The following SORCS3 variants were observed in gnomAD, a reference collection of about 807,000 sequenced individuals.
SORCS3 encodes the protein VPS10 domain-containing receptor SorCS3.
SORCS3 carries 57 observed loss-of-function variants against 146.3 expected under a neutral mutation model. The ratio of observed to expected loss-of-function variants is 0.39; its 90% CI spans 0.31 to 0.49. The LOEUF is 0.49. SORCS3 is among the 20% of genes least tolerant of loss of function. SORCS3 has a pLI of 0.92. For synonymous variants in SORCS3, 653 were observed against 618.5 expected (o/e 1.06, Z -0.83); for missense variants, 1,341 against 1,575.5 (o/e 0.85, Z 2.52).
intron 6 of SORCS3, among the ~76,000 whole-genome samples, chr10:105,093,270 T>A (rs966599266): frequency 6.6e-6 from 1 of 152,096 alleles, no homozygotes; most frequent in Non-Finnish European, 1.5e-5. Context: ...AAAATTTAAC[T>A]CCAAATAGAT....
intron 1 of SORCS3, among the ~76,000 whole-genome samples, chr10:104,840,775 A>C (rs1405301293): frequency 1.3e-5 from 2 of 152,288 alleles, no homozygotes; most frequent in African/African-American, 4.8e-5. Flanking sequence ...TTTTAGAGGC[A>C]TGTGCCCTGA....
rs139969820 is a variant in SORCS3, at chr10:104,969,606, T to G, written c.796-7729T>G. On this transcript the variant is annotated intron_variant, in intron 3 of 26. Transcript: ENST00000369701. The stretch of plus-strand genomic sequence containing the variant: ...TTGAATAGAGACACTACCAGTGATA[T>G]CAAAGTATATCAAATAATTTCTGAT... 3.3e-3 allele frequency among the ~76,000 whole-genome samples: 503 copies of G among 152,240 alleles called. 5 individuals are homozygous for G. Among genetic ancestry groups the G allele is most frequent in the African/African-American group, 0.011 (450 of 41,536 alleles).
chr10:105,037,862 G>A (rs1009138309), intron 4 of SORCS3, among the ~76,000 whole-genome samples: 3 of 152,102 alleles, frequency 2.0e-5, no homozygotes, highest in Non-Finnish European at 4.4e-5. Context: ...CAGGCTTTCC[G>A]GGTACAGTCT....
At chr10:105,224,858 T>C (rs1037154859) in intron 20 of SORCS3, among the ~76,000 whole-genome samples, 1 of 152,188 alleles carries the variant, frequency 6.6e-6, no homozygotes, top group Non-Finnish European at 1.5e-5. Flanking sequence ...AAATTTTTCA[T>C]ATGCTTATTT....
chr10:105,253,373 A>AT (rs1219040724), intron 23 of SORCS3, among the ~76,000 whole-genome samples: 1 of 152,188 alleles, frequency 6.6e-6, no homozygotes, highest in Non-Finnish European at 1.5e-5. Flanking sequence ...TTCAAACATG[A>AT]TTTTTTGGAG....
chr10:104,785,875 G>C (rs2017429100), intron 1 of SORCS3, among the ~76,000 whole-genome samples: 2 of 152,226 alleles, frequency 1.3e-5, no homozygotes, highest in African/African-American at 4.8e-5. Flanking sequence ...TCTTCTTACA[G>C]AAAAATGCAT....
intron 6 of SORCS3, among the ~76,000 whole-genome samples, chr10:105,103,168 C>A (rs1053598219): frequency 1.3e-5 from 2 of 152,046 alleles, no homozygotes; most frequent in Admixed American, 6.6e-5. Flanking sequence ...GGAGCAGTTC[C>A]CCCTTAAAAT....
chr10:104,882,757 C>A (rs1225434246), intron 2 of SORCS3, among the ~76,000 whole-genome samples: 1 of 152,210 alleles, frequency 6.6e-6, no homozygotes, highest in African/African-American at 2.4e-5. Context: ...TTCCCATCTC[C>A]CCACCCAGTG....
At chr10:104,858,788 A>AT (rs1163558472) in intron 2 of SORCS3, among the ~76,000 whole-genome samples, 11 of 151,846 alleles carry the variant, frequency 7.2e-5, no homozygotes, top group Non-Finnish European at 1.0e-4. Context: ...CGCCTGGCTA[A>AT]TTTTTTGTGT....
intron 6 of SORCS3, among the ~76,000 whole-genome samples, chr10:105,102,324 T>C (rs2133750860): frequency 6.6e-6 from 1 of 152,296 alleles, no homozygotes. Flanking sequence ...GTAGTACATA[T>C]ACACCATGGA....
At chr10:104,765,158 C>A (rs2017164936) in intron 1 of SORCS3, among the ~76,000 whole-genome samples, 1 of 152,184 alleles carries the variant, frequency 6.6e-6, no homozygotes, top group African/African-American at 2.4e-5. Flanking sequence ...CCCCGTGGAA[C>A]CTAGTCTTTT....
In SORCS3 at chr10:104,664,497, C is replaced by T. The variant is rs561489222; in HGVS notation, c.627+22543C>T. On this transcript the variant is annotated intron_variant, in intron 1 of 26. Coordinates refer to ENST00000369701, the MANE Select transcript of SORCS3 (RefSeq NM_014978.3). ...AAAATCGAAGCTCAGGGAGGATAAA[C>T]TGTTTGCTCAGTGTCTCACAGCCAT... The T allele has an allele frequency of 2.0e-5, 3 of 152,304 alleles. No homozygotes were observed. In the South Asian group the frequency reaches 6.2e-4, roughly 32 times the overall value. 9.4% of individuals were successfully genotyped at this position (152,304 alleles called of 1,614,324 possible). A position where few individuals can be genotyped will look rare whatever the true frequency, so the allele number is the denominator to read the frequency against.
At chr10:104,772,368 G>A (rs994805220) in intron 1 of SORCS3, among the ~76,000 whole-genome samples, 1 of 152,234 alleles carries the variant, frequency 6.6e-6, no homozygotes, top group African/African-American at 2.4e-5. Flanking sequence ...TCACAGTTTT[G>A]GCATTGATCC....
At chr10:104,930,186 T>TA (rs144611357) in intron 3 of SORCS3, among the ~76,000 whole-genome samples, 2,623 of 150,750 alleles carry the variant, frequency 0.017, 66 homozygotes, top group African/African-American at 0.059. Context: ...ATTGTTCTAA[T>TA]AAAAAAAAAG....
intron 4 of SORCS3, among the ~76,000 whole-genome samples, chr10:105,041,965 A>G (rs192033628): frequency 4.7e-4 from 72 of 152,354 alleles, no homozygotes; most frequent in African/African-American, 1.6e-3. Flanking sequence ...GCCAGGCATC[A>G]GAAAACTCAA....
intron 1 of SORCS3, among the ~76,000 whole-genome samples, chr10:104,728,069 ATCTAATCT>A (rs2016663109): frequency 1.4e-5 from 2 of 147,710 alleles, no homozygotes; most frequent in South Asian, 2.1e-4. Context: ...CTATCTATCT[ATCTAATCT>A]ATCTGTCATC....
intron 7 of SORCS3, among the ~76,000 whole-genome samples, chr10:105,137,768 T>G (rs1188816346): frequency 2.0e-5 from 3 of 151,796 alleles, no homozygotes; most frequent in Non-Finnish European, 4.4e-5. Context: ...TTTCACAAGC[T>G]TTCCAGGTGA....
intron 4 of SORCS3, among the ~76,000 whole-genome samples, chr10:104,996,990 G>A (rs1379119649): frequency 2.0e-5 from 3 of 152,166 alleles, no homozygotes; most frequent in Non-Finnish European, 4.4e-5. Flanking sequence ...ATCCCTGGAA[G>A]AGGTGTGAGA....
At chr10:105,078,572 C>T (rs2055603623) in intron 5 of SORCS3, among the ~76,000 whole-genome samples, 1 of 152,032 alleles carries the variant, frequency 6.6e-6, no homozygotes, top group Non-Finnish European at 1.5e-5. Context: ...AGATTGAGGT[C>T]ATATATCTAA....
Sources: gnomAD v4.1 joint callset for allele counts (sites outside exome capture counted in the v4.1 genomes callset) on GRCh38, gnomAD v4.1.1 for gene constraint, MANE v1.5 for transcripts, NCBI Gene and HGNC (gene_info 2026-07-23, HGNC 2026-07-21) for gene names.